Variants in HDX observed in about 807,000 individuals in gnomAD.
The protein encoded by HDX is highly divergent homeobox.
HDX carries 19 observed loss-of-function variants against 45.2 expected under a neutral mutation model. The observed-to-expected ratio is 0.42, with a 90% CI of 0.29 to 0.62. The LOEUF (loss-of-function observed/expected upper bound fraction) is 0.62. Ranked by LOEUF, HDX falls within the 20% of genes least tolerant of loss-of-function variation. The pLI, the probability that HDX is intolerant of heterozygous loss-of-function variation, is 0.20. For synonymous variants in HDX, 188 were observed against 172.8 expected, an observed-to-expected ratio of 1.09 and a Z score of -0.69; for missense variants, 532 against 493.9, an observed-to-expected ratio of 1.08 and a Z score of -0.73.
intron 5 of HDX, among the ~76,000 whole-genome samples, chrX:84,413,991 G>C (rs1033821199): frequency 9.0e-6 from 1 of 111,578 alleles, no homozygotes; most frequent in African/African-American, 3.3e-5. Context: ...AGAACTGACA[G>C]AAAATTAGAG....
chrX:84,429,650 T>C (rs780073785), intron 5 of HDX, among the ~76,000 whole-genome samples: 1 of 110,196 alleles, frequency 9.1e-6, no homozygotes, highest in Non-Finnish European at 1.9e-5. Context: ...CTCTTCTAGA[T>C]TGGATACCTT....
intron 5 of HDX, among the ~76,000 whole-genome samples, chrX:84,363,477 A>T (rs892876057): frequency 8.9e-6 from 1 of 112,100 alleles, no homozygotes; most frequent in Admixed American, 9.5e-5. Flanking sequence ...TTAATTTGTA[A>T]TTCATTTAGA....
intron 4 of HDX, among the ~76,000 whole-genome samples, chrX:84,444,614 T>C (rs760651742): frequency 1.2e-4 from 13 of 111,052 alleles, no homozygotes; most frequent in African/African-American, 4.2e-4. Context: ...TAACGGAGAA[T>C]TGCAACTTTA....
In HDX at chrX:84,475,294, A is replaced by T; in HGVS notation, c.104T>A (p.Leu35Ter). 8.3e-7 allele frequency: 1 copy of T among 1,200,289 alleles called. No individual in the cohort carries two copies. The highest frequency in any genetic ancestry group is 1.1e-6 in the Non-Finnish European group (1 of 887,864). ...NQSKNCFQLI[L>*]QCAQETKLDF... is the part of the protein sequence containing the mutation. ...CAGCTTAGTCTCCTGTGCACACTGT[A>T]ATATGAGCTGAAAGCAATTTTTACT... Residue 35 changes from leucine to a stop codon, truncating the protein, a stop_gained, in exon 3 of 11, where the codon TTA (leucine) becomes TAA (stop). Transcript: ENST00000373177. LOFTEE classifies it high-confidence loss of function.
chrX:84,355,347 A>C (rs765649308), intron 6 of HDX, among the ~76,000 whole-genome samples: 18 of 111,081 alleles, frequency 1.6e-4, no homozygotes, highest in African/African-American at 5.9e-4. Flanking sequence ...AAGATGGAGC[A>C]GTGGGGAACT....
chrX:84,345,362 A>G (rs756957258), intron 6 of HDX, among the ~76,000 whole-genome samples: 2 of 111,294 alleles, frequency 1.8e-5, no homozygotes, highest in Non-Finnish European at 3.8e-5. Flanking sequence ...TGCTTTTTCA[A>G]GAATATTATA....
At chrX:84,389,823 C>T (rs2038401450) in intron 5 of HDX, among the ~76,000 whole-genome samples, 2 of 110,603 alleles carry the variant, frequency 1.8e-5, no homozygotes, top group Middle Eastern at 9.3e-3. Context: ...CGTTTAAAGG[C>T]ATATCTCTAC....
intron 5 of HDX, among the ~76,000 whole-genome samples, chrX:84,418,096 G>A (rs1021911946): frequency 8.9e-6 from 1 of 111,900 alleles, no homozygotes; most frequent in Non-Finnish European, 1.9e-5. Context: ...TAGGTTGACC[G>A]GTGAAGGTCT....
intron 5 of HDX, among the ~76,000 whole-genome samples, chrX:84,375,277 A>G (rs1228402165): frequency 9.0e-6 from 1 of 111,089 alleles, no homozygotes; most frequent in African/African-American, 3.3e-5. Flanking sequence ...AGAAATAGGG[A>G]CACTTTTACA....
chrX:84,474,413 T>C (rs1391251096), intron 3 of HDX, among the ~76,000 whole-genome samples: 1 of 112,697 alleles, frequency 8.9e-6, no homozygotes, highest in Non-Finnish European at 1.9e-5. Context: ...ATATTCTGAA[T>C]GATTATTCTT....
chrX:84,334,072 A>G (rs1202629688), intron 8 of HDX, among the ~76,000 whole-genome samples: 1 of 111,404 alleles, frequency 9.0e-6, no homozygotes, highest in African/African-American at 3.3e-5. Flanking sequence ...ACTATTTAAA[A>G]TAGAAAATGT....
chrX:84,359,121 A>T (rs2147843111), intron 6 of HDX, among the ~76,000 whole-genome samples: 1 of 111,178 alleles, frequency 9.0e-6, no homozygotes, highest in East Asian at 2.8e-4. Flanking sequence ...TCAAAATTTT[A>T]TCTTTTAAAT....
At chrX:84,328,966 G>T (rs1017535845) in intron 9 of HDX, among the ~76,000 whole-genome samples, 1 of 112,032 alleles carries the variant, frequency 8.9e-6, no homozygotes, top group Middle Eastern at 4.6e-3. Flanking sequence ...GTTCAGAAAG[G>T]GGGGACAACT....
At chrX:84,340,483 A>AT (rs1192664388) in intron 7 of HDX, among the ~76,000 whole-genome samples, 1 of 110,820 alleles carries the variant, frequency 9.0e-6, no homozygotes, top group Non-Finnish European at 1.9e-5. Flanking sequence ...TCTAAAGATT[A>AT]TTTTTTCTTT....
At chrX:84,474,829 T>G (rs2040517060) in intron 3 of HDX, among the ~76,000 whole-genome samples, 1 of 112,209 alleles carries the variant, frequency 8.9e-6, no homozygotes, top group Admixed American at 9.5e-5. Context: ...AGAAAGTATT[T>G]ATAAAGCAGA....
intron 1 of HDX, among the ~76,000 whole-genome samples, chrX:84,498,582 G>C (rs2148216328): frequency 9.0e-6 from 1 of 111,483 alleles, no homozygotes; most frequent in Admixed American, 9.5e-5. Flanking sequence ...TATTCTGTTG[G>C]AGATTACACT....
intron 6 of HDX, among the ~76,000 whole-genome samples, chrX:84,347,626 G>A (rs2037237047): frequency 9.0e-6 from 1 of 111,427 alleles, no homozygotes; most frequent in African/African-American, 3.3e-5. Flanking sequence ...TTGAAAGGCA[G>A]TTCTACTGGC....
rs779292411 is a variant in HDX at position 84,488,311 on chromosome X, G to A, written c.-109-179C>T. Among the ~76,000 whole-genome samples, 9 of 82,100 alleles carry A rather than the reference G, an allele frequency of 1.1e-4. No individual in the cohort carries two copies. In the East Asian group the frequency reaches 3.6e-3, roughly 32 times the overall value. 71.3% of individuals were successfully genotyped at this position (82,100 alleles called of 115,157 possible). A position where few individuals can be genotyped will look rare whatever the true frequency, so the allele number is the denominator to read the frequency against. On this transcript the variant is annotated intron_variant, in intron 1 of 10. Coordinates refer to ENST00000373177, the MANE Select transcript of HDX (RefSeq NM_001177479.2). ...CAATACTTTTGGGCTGATATTACTG[G>A]TTTAAAATCTAAAACACACACACAC...
chrX:84,370,994 A>G (rs1386358565), intron 5 of HDX, among the ~76,000 whole-genome samples: 1 of 112,537 alleles, frequency 8.9e-6, no homozygotes, highest in Non-Finnish European at 1.9e-5. Flanking sequence ...AAAACAAAAT[A>G]TCACATGTAA....
Sources: allele counts gnomAD v4.1 joint callset (sites outside exome capture counted in the v4.1 genomes callset), GRCh38; gene constraint gnomAD v4.1.1; transcripts MANE v1.5; gene names NCBI Gene and HGNC (gene_info 2026-07-23, HGNC 2026-07-21).